The following VPS26C variants were observed in gnomAD, a reference collection of about 807,000 sequenced individuals.
The protein encoded by VPS26C is vacuolar protein sorting-associated protein 26C.
Under a neutral mutation model 30.6 loss-of-function variants are expected in VPS26C, and 19 were observed. The ratio of observed to expected loss-of-function variants is 0.62; its 90% CI spans 0.43 to 0.91. The LOEUF is 0.91. VPS26C is among the 40% of genes least tolerant of loss of function. The pLI, the probability that VPS26C is intolerant of heterozygous loss-of-function variation, is 0.00. For missense variants in VPS26C, 318 were observed against 385.1 expected, an observed-to-expected ratio of 0.83 and a Z score of 1.46; for synonymous variants, 132 against 151.5, an observed-to-expected ratio of 0.87 and a Z score of 0.95.
intron 1 of VPS26C, among the ~76,000 whole-genome samples, chr21:37,249,057 A>C (rs1455034860): frequency 2.0e-5 from 3 of 152,176 alleles, no homozygotes. Flanking sequence ...TTCTTGATAA[A>C]ATTCTTAGTA....
intron 1 of VPS26C, 24 bp downstream of exon 1, chr21:37,267,214 T>TA: frequency 2.2e-6 from 1 of 457,106 alleles, no homozygotes; most frequent in Non-Finnish European, 4.2e-6. Flanking sequence ...CCCACCTCCA[T>TA]CCCCACCCCC....
chr21:37,234,504 G>A (rs563559589), intron 3 of VPS26C, among the ~76,000 whole-genome samples: 147 of 152,296 alleles, frequency 9.7e-4, no homozygotes, highest in African/African-American at 3.2e-3. Context: ...ATCCCTGTCC[G>A]TGAGCTGAGA....
At chr21:37,244,396 C>G (rs1008628097) in intron 1 of VPS26C, among the ~76,000 whole-genome samples, 1 of 152,216 alleles carries the variant, frequency 6.6e-6, no homozygotes, top group Non-Finnish European at 1.5e-5. Context: ...CACCACCACA[C>G]CCAGCTAATT....
At chr21:37,228,405 T>C in intron 5 of VPS26C, 32 bp from the exon 6 acceptor site, 2 of 1,611,168 alleles carry the variant, frequency 1.2e-6, no homozygotes, top group Non-Finnish European at 1.7e-6. Flanking sequence ...TACATCAGAA[T>C]GCAGGCAAGG....
intron 1 of VPS26C, among the ~76,000 whole-genome samples, chr21:37,250,845 A>G (rs2086185452): frequency 6.7e-6 from 1 of 148,278 alleles, no homozygotes; most frequent in South Asian, 2.2e-4. Flanking sequence ...GACTGCAGTG[A>G]GCCGAGATCA....
intron 1 of VPS26C, among the ~76,000 whole-genome samples, chr21:37,263,971 A>C (rs1176862356): frequency 1.3e-5 from 2 of 152,296 alleles, no homozygotes; most frequent in East Asian, 1.9e-4. Flanking sequence ...GTCTGCAGTC[A>C]ATGAGGCCTC....
chr21:37,259,277 T>C (rs541158108), intron 1 of VPS26C, among the ~76,000 whole-genome samples: 6 of 148,048 alleles, frequency 4.1e-5, no homozygotes, highest in East Asian at 4.0e-4. Flanking sequence ...CTGTTATGTA[T>C]AGGGTTTCTC....
intron 1 of VPS26C, among the ~76,000 whole-genome samples, chr21:37,245,254 T>TA (rs930264988): frequency 2.0e-5 from 3 of 152,132 alleles, no homozygotes; most frequent in African/African-American, 7.2e-5. Flanking sequence ...CTGTTCCACT[T>TA]AGATTTTTCA....
intron 4 of VPS26C, 71 bp from the exon 5 acceptor site, chr21:37,232,522 T>G: frequency 7.3e-7 from 1 of 1,370,802 alleles, no homozygotes. Context: ...AGCTTTTCCC[T>G]TTCAAAAATA....
intron 1 of VPS26C, among the ~76,000 whole-genome samples, chr21:37,258,420 C>A (rs1194855188): frequency 6.6e-6 from 1 of 152,238 alleles, no homozygotes; most frequent in Non-Finnish European, 1.5e-5. Flanking sequence ...TACCTCTGCG[C>A]ATGCGCCGGG....
At chr21:37,267,433 C>G, upstream of VPS26C, 1 of 716,324 alleles carries the variant, frequency 1.4e-6, no homozygotes, top group Non-Finnish European at 2.4e-6. Context: ...AGCGGCGTCG[C>G]ACACACTCCC....
At chr21:37,228,142 C>T in intron 6 of VPS26C, 81 bp downstream of exon 6, 4 of 1,545,064 alleles carry the variant, frequency 2.6e-6, no homozygotes, top group Non-Finnish European at 3.5e-6. Context: ...CCCAGCCCCC[C>T]AGCATCCTCT....
At chr21:37,265,962 G>C (rs2086356718) in intron 1 of VPS26C, among the ~76,000 whole-genome samples, 1 of 136,190 alleles carries the variant, frequency 7.3e-6, no homozygotes, top group Non-Finnish European at 1.5e-5. Context: ...CTGTTGCCCA[G>C]GCTGGAGTGC....
rs142651808 is a variant in VPS26C at position 37,263,008 on chromosome 21, G to A, written c.57+4230C>T. ...TCAAACTCCTGGGCTCAAGTGATCT[G>A]CCTACCTCGGCCTCCCAAAGTGCTG... On this transcript the variant is annotated intron_variant, in intron 1 of 7. Transcript: ENST00000309117. Among the ~76,000 whole-genome samples, 1,277 of 152,100 alleles carry A rather than the reference G, an allele frequency of 8.4e-3. 11 individuals are homozygous for A. The highest frequency in any genetic ancestry group is 0.03 in the African/African-American group (1,226 of 41,468).
intron 1 of VPS26C, among the ~76,000 whole-genome samples, chr21:37,250,881 C>A (rs1024577049): frequency 2.6e-5 from 3 of 117,546 alleles, no homozygotes; most frequent in Admixed American, 1.2e-4. Flanking sequence ...GCCTGGGCAA[C>A]AGAGTGAGAC....
intron 2 of VPS26C, among the ~76,000 whole-genome samples, chr21:37,239,603 CT>C (rs11313933): frequency 0.52 from 71,334 of 138,184 alleles, 17,474 homozygotes; most frequent in East Asian, 0.71. Flanking sequence ...GAGCTGTGAT[CT>C]TTTTTTTTTT....
At chr21:37,267,490 A>G, upstream of VPS26C, 1 of 599,372 alleles carries the variant, frequency 1.7e-6, no homozygotes, top group Non-Finnish European at 3.0e-6. Flanking sequence ...CCGGCACAAG[A>G]GCCGGCCTTA....
chr21:37,231,098 C>T (rs142597489), intron 5 of VPS26C, among the ~76,000 whole-genome samples: 17 of 152,286 alleles, frequency 1.1e-4, no homozygotes, highest in African/African-American at 3.1e-4. Flanking sequence ...CAGGTTCTCA[C>T]CTGGGCTAAG....
intron 1 of VPS26C, among the ~76,000 whole-genome samples, chr21:37,260,628 G>T (rs543574764): frequency 2.6e-5 from 4 of 152,198 alleles, no homozygotes; most frequent in Non-Finnish European, 5.9e-5. Flanking sequence ...CTATATTCAC[G>T]CTGAGCCACA....
Sources: gnomAD v4.1 joint callset for allele counts (sites outside exome capture counted in the v4.1 genomes callset) on GRCh38, gnomAD v4.1.1 for gene constraint, MANE v1.5 for transcripts, NCBI Gene and HGNC (gene_info 2026-07-23, HGNC 2026-07-21) for gene names.